HHAT: variants seen among roughly 807,000 people sequenced by gnomAD.
The protein encoded by HHAT is protein-cysteine N-palmitoyltransferase HHAT.
Under a neutral mutation model 70.8 loss-of-function variants are expected in HHAT, and 47 were observed. The observed-to-expected ratio is 0.66, with a 90% CI of 0.53 to 0.85. The LOEUF (loss-of-function observed/expected upper bound fraction) is 0.85, where lower values mean the gene tolerates loss of function less well. Among genes scored for constraint, HHAT ranks in the 40% least tolerant of loss-of-function variants. The pLI, the probability that HHAT is intolerant of heterozygous loss-of-function variation, is 0.00. For missense variants in HHAT, 609 were observed against 604.8 expected (o/e 1.01, Z -0.07); for synonymous variants, 228 against 247.6 (o/e 0.92, Z 0.74).
At chr1:210,533,940 C>T (rs2095342761) in intron 9 of HHAT, among the ~76,000 whole-genome samples, 1 of 152,142 alleles carries the variant, frequency 6.6e-6, no homozygotes, top group Non-Finnish European at 1.5e-5. Context: ...CTTGGTGATG[C>T]AGAATACTCA....
intron 9 of HHAT, among the ~76,000 whole-genome samples, chr1:210,568,660 T>C (rs1655366207): frequency 6.6e-6 from 1 of 152,224 alleles, no homozygotes; most frequent in African/African-American, 2.4e-5. Context: ...GAGGTTGCCA[T>C]TGGTTACTTG....
chr1:210,478,167 C>T (rs2094334468), intron 8 of HHAT, among the ~76,000 whole-genome samples: 1 of 152,168 alleles, frequency 6.6e-6, no homozygotes, highest in Non-Finnish European at 1.5e-5. Context: ...TGTGTGGTCA[C>T]TCACTCTAAT....
intron 11 of HHAT, among the ~76,000 whole-genome samples, chr1:210,657,919 G>T (rs114811588): frequency 0.017 from 2,571 of 152,262 alleles, 34 homozygotes; most frequent in Middle Eastern, 0.031. Context: ...GAAAATGAGG[G>T]CCAAATGTAC....
intron 7 of HHAT, among the ~76,000 whole-genome samples, chr1:210,428,073 G>A (rs1439122578): frequency 7.3e-5 from 11 of 150,894 alleles, no homozygotes; most frequent in East Asian, 5.8e-4. Context: ...TTTGAACTTC[G>A]TTGGTTTAAA....
chr1:210,353,434 G>GT (rs10541502), intron 2 of HHAT, among the ~76,000 whole-genome samples: 2,419 of 114,364 alleles, frequency 0.021, 24 homozygotes, highest in South Asian at 0.033. Context: ...GAAGTCACCT[G>GT]TTTTTTTTTT....
intron 9 of HHAT, among the ~76,000 whole-genome samples, chr1:210,553,640 C>G (rs932015928): frequency 6.6e-6 from 1 of 152,206 alleles, no homozygotes; most frequent in Non-Finnish European, 1.5e-5. Flanking sequence ...TCTCTGAGGC[C>G]AGAGTGAAAC....
chr1:210,463,909 A>G (rs1468350182), intron 7 of HHAT, among the ~76,000 whole-genome samples: 3 of 152,168 alleles, frequency 2.0e-5, no homozygotes, highest in African/African-American at 7.2e-5. Context: ...TGCATAGTAG[A>G]TGTGTATATG....
chr1:210,433,000 G>A (rs935381630), intron 7 of HHAT, among the ~76,000 whole-genome samples: 1 of 151,676 alleles, frequency 6.6e-6, no homozygotes, highest in Non-Finnish European at 1.5e-5. Context: ...TTCCACTAAG[G>A]CCCTTTTTTC....
intron 4 of HHAT, among the ~76,000 whole-genome samples, chr1:210,399,820 C>T (rs1342992246): frequency 6.6e-6 from 1 of 152,078 alleles, no homozygotes; most frequent in African/African-American, 2.4e-5. Context: ...CTGTGATTCT[C>T]CTAAAATGGG....
chr1:210,385,252 C>CTTTTTTTT (rs55887436), intron 3 of HHAT, among the ~76,000 whole-genome samples: 4 of 138,886 alleles, frequency 2.9e-5, no homozygotes, highest in Non-Finnish European at 4.6e-5. Flanking sequence ...ATATGTTTTT[C>CTTTTTTTT]TTTTTTTTTT....
At chr1:210,646,612 A>G (rs1391547739) in intron 11 of HHAT, among the ~76,000 whole-genome samples, 1 of 152,254 alleles carries the variant, frequency 6.6e-6, no homozygotes, top group Admixed American at 6.5e-5. Context: ...CACACTAAGG[A>G]AAATTTGAAA....
intron 1 of HHAT, among the ~76,000 whole-genome samples, chr1:210,335,651 G>C (rs1382303791): frequency 6.6e-6 from 1 of 152,146 alleles, no homozygotes. Context: ...TATGACAGAG[G>C]CAACACTGCA....
intron 9 of HHAT, among the ~76,000 whole-genome samples, chr1:210,541,478 A>T (rs2095430255): frequency 2.0e-5 from 3 of 152,190 alleles, no homozygotes; most frequent in Admixed American, 2.0e-4. Flanking sequence ...CTGTAATCCT[A>T]GCACTTTGGG....
chr1:210,623,651 G>A lies in HHAT; in HGVS notation c.1371G>A (p.Trp457Ter), dbSNP rs773398217. ...GCAATGAGGTTGGGAAAACCTACTG[G>A]AATAGGATCTTCATACAAGGTAAGT... Reference protein sequence around the residue: ...LGGNEVGKTYWNRIFIQGWPW... With the variant: ...LGGNEVGKTY The change falls in exon 11 of 12, where the codon TGG becomes TGA. Residue 457 changes from tryptophan (W) to a stop codon, truncating the protein, a stop_gained. Coordinates refer to ENST00000261458, the MANE Select transcript of HHAT (RefSeq NM_018194.6). LOFTEE classifies it high-confidence loss of function. The A allele has an allele frequency of 6.2e-7, 1 of 1,613,922 alleles. No homozygotes were observed.
chr1:210,500,770 A>G (rs1014228000), intron 8 of HHAT, among the ~76,000 whole-genome samples: 4 of 152,202 alleles, frequency 2.6e-5, no homozygotes, highest in African/African-American at 9.7e-5. Context: ...AGAAGAGAAC[A>G]TTTGTCAGCA....
intron 9 of HHAT, among the ~76,000 whole-genome samples, chr1:210,530,644 G>A (rs1211415052): frequency 3.9e-5 from 6 of 152,278 alleles, no homozygotes; most frequent in Admixed American, 1.3e-4. Flanking sequence ...TGCAGACTTT[G>A]CACGGACTTG....
At chr1:210,468,395 T>C (rs888569358) in intron 8 of HHAT, among the ~76,000 whole-genome samples, 5 of 152,202 alleles carry the variant, frequency 3.3e-5, no homozygotes, top group Admixed American at 3.3e-4. Context: ...GTTTCAATTA[T>C]TTCAGGAATC....
rs1040127690 is a variant in HHAT at position 210,525,692 on chromosome 1, C to T, written c.1043+12504C>T. ...AGAATTGAGATGCATAATTTAGTTC[C>T]CACCATATATAGCTTTATCAATACA... On this transcript the variant is annotated intron_variant, in intron 9 of 11. Transcript: ENST00000261458. Among the ~76,000 whole-genome samples the T allele has an allele frequency of 2.6e-5, 4 of 152,120 alleles. No homozygotes were observed. In the South Asian group the frequency reaches 8.3e-4, roughly 32 times the overall value.
chr1:210,530,755 C>T (rs906911782), intron 9 of HHAT, among the ~76,000 whole-genome samples: 1 of 152,016 alleles, frequency 6.6e-6, no homozygotes. Context: ...TCTAAGACAG[C>T]ATGTTGACCG....
Sources: gnomAD v4.1 joint callset for allele counts (sites outside exome capture counted in the v4.1 genomes callset) on GRCh38, gnomAD v4.1.1 for gene constraint, MANE v1.5 for transcripts, NCBI Gene and HGNC (gene_info 2026-07-23, HGNC 2026-07-21) for gene names.